The following FAT1 variants were observed in gnomAD, a reference collection of about 807,000 sequenced individuals.
FAT1 encodes protocadherin Fat 1.
In FAT1, 171 loss-of-function variants were observed where a neutral mutation model predicts 329.8. The observed-to-expected ratio is 0.52, with a 90% CI of 0.46 to 0.59. The LOEUF is 0.59. Ranked by LOEUF, FAT1 falls within the 20% of genes least tolerant of loss-of-function variation. The pLI is 0.00. For missense variants in FAT1, 5,672 were observed against 5,774.4 expected, an observed-to-expected ratio of 0.98 and a Z score of 0.57; for synonymous variants, 2,233 against 2,228.6, an observed-to-expected ratio of 1.00 and a Z score of -0.06.
chr4:186,661,295 CTG>C (rs1183206293), intron 3 of FAT1, among the ~76,000 whole-genome samples: 1 of 152,226 alleles, frequency 6.6e-6, no homozygotes, highest in Non-Finnish European at 1.5e-5. Context: ...TCCAATCTGA[CTG>C]TGTGTCATAA....
intron 21 of FAT1, 96 bp from the exon 22 acceptor site, chr4:186,600,456 G>T: frequency 1.9e-6 from 2 of 1,056,424 alleles, no homozygotes; most frequent in Non-Finnish European, 2.7e-6. Flanking sequence ...AGGGAGTGAG[G>T]GTAGAAGTTA....
intron 11 of FAT1, among the ~76,000 whole-genome samples, chr4:186,616,530 G>C (rs1343354179): frequency 2.0e-5 from 3 of 152,100 alleles, no homozygotes; most frequent in Non-Finnish European, 4.4e-5. Flanking sequence ...ACCTTGGAGG[G>C]AGCAGCCCTT....
intron 2 of FAT1, among the ~76,000 whole-genome samples, chr4:186,697,199 C>T (rs1408548141): frequency 6.6e-6 from 1 of 152,140 alleles, no homozygotes; most frequent in Non-Finnish European, 1.5e-5. Flanking sequence ...AAAGCCTGGC[C>T]TAGAAAGCTG....
chr4:186,640,891 C>T (rs926119153), intron 3 of FAT1, among the ~76,000 whole-genome samples: 3 of 152,232 alleles, frequency 2.0e-5, no homozygotes, highest in Non-Finnish European at 4.4e-5. Context: ...TCTGCACCTC[C>T]GACCTTAAAA....
Position 186,621,625 on chromosome 4 carries a change from C to T in FAT1, c.4961G>A (p.Arg1654His), listed in dbSNP as rs369592206. The change falls in exon 10 of 27, where the codon CGT becomes CAT. Residue 1654 changes from arginine to histidine, a missense_variant. Coordinates refer to ENST00000441802, the MANE Select transcript of FAT1 (RefSeq NM_005245.4). ...GTTGTCAGCAATTGTGACAAAGATA[C>T]GCACAGAAGTTATTTCACTCATTGG... ...SPPMSEITSV[R>H]IFVTIADNAS... 1.5e-4 allele frequency: 243 copies of T among 1,613,976 alleles called. No homozygotes were observed. Among genetic ancestry groups the T allele is most frequent in the African/African-American group, 7.3e-4 (55 of 75,044 alleles).
chr4:186,704,776 G>C (rs546123491), intron 2 of FAT1, among the ~76,000 whole-genome samples: 1 of 152,212 alleles, frequency 6.6e-6, no homozygotes, highest in African/African-American at 2.4e-5. Flanking sequence ...AAATGCTGTT[G>C]ATTATGCTAG....
At chr4:186,676,349 A>C (rs1431713774) in intron 2 of FAT1, among the ~76,000 whole-genome samples, 1 of 151,992 alleles carries the variant, frequency 6.6e-6, no homozygotes, top group Non-Finnish European at 1.5e-5. Flanking sequence ...CGGATGAGTT[A>C]ATTTTATCTT....
intron 6 of FAT1, among the ~76,000 whole-genome samples, chr4:186,634,913 G>C (rs946013632): frequency 6.6e-6 from 1 of 152,246 alleles, no homozygotes. Context: ...GTCAGGTACT[G>C]CACAGCAGCA....
At position 186,603,311 on chromosome 4, in the gene FAT1, C is replaced by T. The variant is rs773371915; in HGVS notation, c.11215G>A (p.Ala3739Thr). 2.0e-5 allele frequency: 33 copies of T among 1,613,878 alleles called. No individual in the cohort carries two copies. The Admixed American group carries it at 2.5e-4, about 12-fold the overall frequency. The stretch of plus-strand genomic sequence containing the variant: ...AACTTCCAGGGGCAGTCCAGTCCCG[C>T]GCAGAGTTTCTGGAATACATTCAGT... ...RILNVFQKLC[A>T]GLDCPWKFCD... The change falls in exon 19 of 27, where the codon GCG (alanine) becomes ACG (threonine). Residue 3739 changes from alanine to threonine, a missense_variant. By Grantham distance (58) the Ala-to-Thr change is moderately conservative. Transcript: ENST00000441802.
intron 2 of FAT1, among the ~76,000 whole-genome samples, chr4:186,694,023 T>C (rs970970662): frequency 1.3e-5 from 2 of 150,840 alleles, no homozygotes; most frequent in Non-Finnish European, 3.0e-5. Flanking sequence ...CCAACCACCA[T>C]CTTCCTATTT....
At chr4:186,623,999 C>T (rs1039466881) in intron 9 of FAT1, among the ~76,000 whole-genome samples, 1 of 152,106 alleles carries the variant, frequency 6.6e-6, no homozygotes, top group Non-Finnish European at 1.5e-5. Context: ...AGGCAGAAAT[C>T]ATCAGATTTG....
At chr4:186,615,696 G>A (rs1739677858) in intron 11 of FAT1, among the ~76,000 whole-genome samples, 1 of 152,092 alleles carries the variant, frequency 6.6e-6, no homozygotes, top group African/African-American at 2.4e-5. Context: ...CCCAACCCAG[G>A]TTGGCACTGC....
chr4:186,647,699 C>T (rs983591656), intron 3 of FAT1, among the ~76,000 whole-genome samples: 1 of 152,080 alleles, frequency 6.6e-6, no homozygotes. Flanking sequence ...CATTTTCACC[C>T]GATGATGTCT....
rs573293048 is a variant in FAT1 at position 186,617,830 on chromosome 4, G to A, written c.8756C>T (p.Thr2919Met). Residue 2919 changes from threonine to methionine, a missense_variant, in exon 10 of 27, where the codon ACG becomes ATG. Around this residue, in one of 2 missense-constraint regions of FAT1, gnomAD observed 3,966 missense variants for 3,915.2 expected, o/e 1.01. Transcript: ENST00000441802. ...TDVNDSPPRF[T>M]AEIYKGTVSE... ...CACAGTCCCTTTATAGATCTCGGCC[G>A]TGAATCGTGGTGGACTATCGTTGAC... The A allele has an allele frequency of 2.2e-5, 35 of 1,613,992 alleles. No individual in the cohort carries two copies. Among genetic ancestry groups the A allele is most frequent in the African/African-American group, 1.6e-4 (12 of 75,044 alleles).
At chr4:186,639,184 C>T (rs1274666234) in intron 4 of FAT1, among the ~76,000 whole-genome samples, 3 of 152,190 alleles carry the variant, frequency 2.0e-5, no homozygotes, top group Non-Finnish European at 2.9e-5. Context: ...AGACTTCAAT[C>T]TACTTTTACT....
In FAT1 at chr4:186,694,633, A is replaced by G. The variant is rs114476969; in HGVS notation, c.3265+11930T>C. 4.6e-3 allele frequency among the ~76,000 whole-genome samples: 700 copies of G among 152,286 alleles called. 6 individuals carry two copies. Among genetic ancestry groups the G allele is most frequent in the African/African-American group, 0.016 (648 of 41,560 alleles). Reference sequence around the variant, plus strand: ...AAAAGAAAGTGTTTGGTTTTAAGTAAATTGCACCTCTCCACAGAAGTAACC... The same window carrying G: ...AAAAGAAAGTGTTTGGTTTTAAGTAGATTGCACCTCTCCACAGAAGTAACC... On this transcript the variant is annotated intron_variant, in intron 2 of 26. Transcript: ENST00000441802.
intron 3 of FAT1, among the ~76,000 whole-genome samples, chr4:186,647,021 C>T (rs766156764): frequency 6.6e-5 from 10 of 152,138 alleles, no homozygotes; most frequent in Non-Finnish European, 4.4e-5. Flanking sequence ...GTAGTAATGT[C>T]ATAATGTTTA....
chr4:186,652,109 T>C (rs1301948909), intron 3 of FAT1, among the ~76,000 whole-genome samples: 2 of 152,198 alleles, frequency 1.3e-5, no homozygotes, highest in Non-Finnish European at 2.9e-5. Context: ...CATACCCTAG[T>C]CTTCAGACGT....
chr4:186,614,220 G>A lies in FAT1; in HGVS notation c.9200C>T (p.Ala3067Val). ...GTCTGGATTTAGTTTGAATTTTTCT[G>A]CACCTGAACCCAATAACGTGTAAGT... is the stretch of plus-strand genomic sequence containing the variant. ...EITYTLLGSG[A>V]EKFKLNPDTG... The change falls in exon 12 of 27, where the codon GCA becomes GTA. Residue 3067 changes from alanine (A) to valine (V), a missense_variant. Physicochemically the swap from Ala to Val is moderately conservative, Grantham distance 64 (BLOSUM62 0). Coordinates refer to ENST00000441802, the MANE Select transcript of FAT1 (RefSeq NM_005245.4). The A allele has an allele frequency of 3.8e-6, 6 of 1,599,964 alleles. No homozygotes were observed. Among genetic ancestry groups the A allele is most frequent in the Non-Finnish European group, 5.1e-6 (6 of 1,175,714 alleles).
Sources: gnomAD v4.1 joint callset for allele counts (sites outside exome capture counted in the v4.1 genomes callset) on GRCh38, gnomAD v4.1.1 for gene constraint, gnomAD v4.1.1 regional missense constraint, MANE v1.5 for transcripts, NCBI Gene and HGNC (gene_info 2026-07-23, HGNC 2026-07-21) for gene names.